Variants in CTNND2 observed in about 807,000 individuals in gnomAD.
CTNND2 encodes the protein catenin delta 2, also known as catenin delta-2.
Under a neutral mutation model 144.4 loss-of-function variants are expected in CTNND2, and 22 were observed. The observed-to-expected ratio is 0.15, with a 90% CI of 0.11 to 0.22. The LOEUF (loss-of-function observed/expected upper bound fraction) is 0.22, where lower values mean the gene tolerates loss of function less well. Ranked by LOEUF, CTNND2 falls within the 10% of genes least tolerant of loss-of-function variation. The pLI, the probability that CTNND2 is intolerant of heterozygous loss-of-function variation, is 1.00. For synonymous variants in CTNND2, 751 were observed against 695.6 expected (o/e 1.08, Z -1.25); for missense variants, 1,353 against 1,618.8 (o/e 0.84, Z 2.82).
At chr5:11,404,019 A>G (rs532075297) in intron 5 of CTNND2, among the ~76,000 whole-genome samples, 12 of 152,264 alleles carry the variant, frequency 7.9e-5, no homozygotes, top group Admixed American at 1.3e-4. Context: ...AAAATTATAG[A>G]GGACTCCAAA....
intron 9 of CTNND2, among the ~76,000 whole-genome samples, chr5:11,337,101 G>A (rs1204509085): frequency 1.3e-5 from 2 of 152,120 alleles, no homozygotes; most frequent in African/African-American, 2.4e-5. Context: ...GATACCTTTT[G>A]AAGCACAGAA....
At chr5:11,524,701 C>T (rs918884782) in intron 3 of CTNND2, among the ~76,000 whole-genome samples, 1 of 152,206 alleles carries the variant, frequency 6.6e-6, no homozygotes, top group African/African-American at 2.4e-5. Context: ...AAAGTACCTA[C>T]ACACTTTAAC....
At chr5:11,759,543 A>G (rs966953053) in intron 1 of CTNND2, among the ~76,000 whole-genome samples, 52 of 142,048 alleles carry the variant, frequency 3.7e-4, no homozygotes, top group African/African-American at 1.3e-3. Flanking sequence ...TTTATTTTAC[A>G]ATCAGGTTTC....
intron 1 of CTNND2, among the ~76,000 whole-genome samples, chr5:11,839,436 T>C (rs770544781): frequency 1.1e-4 from 17 of 151,722 alleles, no homozygotes; most frequent in Non-Finnish European, 2.4e-4. Flanking sequence ...CATGAAACAA[T>C]GACAATTTTT....
At chr5:11,278,197 G>A (rs1459368939) in intron 9 of CTNND2, among the ~76,000 whole-genome samples, 3 of 152,092 alleles carry the variant, frequency 2.0e-5, no homozygotes, top group African/African-American at 4.8e-5. Context: ...CTCTACAGTC[G>A]CCATTCTACT....
intron 6 of CTNND2, among the ~76,000 whole-genome samples, chr5:11,389,800 T>A (rs1282107639): frequency 6.6e-6 from 1 of 152,170 alleles, no homozygotes; most frequent in African/African-American, 2.4e-5. Context: ...AGCACTGACA[T>A]GAATGTCACA....
Position 11,255,747 on chromosome 5 carries a change from T to C in CTNND2, c.1629-18924A>G, listed in dbSNP as rs72730957. On this transcript the variant is annotated intron_variant, in intron 9 of 21. Transcript: ENST00000304623. ...GGGAATAAAAGTTTGGTTTCTAAGC[T>C]CCTCCCAGCATCAATCAGTCACGAG... 2.4e-3 allele frequency among the ~76,000 whole-genome samples: 368 copies of C among 152,108 alleles called. 2 individuals carry two copies. The highest frequency in any genetic ancestry group is 4.3e-3 in the Non-Finnish European group (291 of 67,988).
intron 11 of CTNND2, among the ~76,000 whole-genome samples, chr5:11,169,957 C>T (rs939166647): frequency 6.6e-6 from 1 of 152,164 alleles, no homozygotes; most frequent in Non-Finnish European, 1.5e-5. Context: ...GAAAAAAACA[C>T]AACACAAATT....
At position 11,044,541 on chromosome 5, in the gene CTNND2, A is replaced by ATACAT. The variant is rs767336244; in HGVS notation, c.2789-21563_2789-21562insATGTA. On this transcript the variant is annotated intron_variant, in intron 16 of 21. Coordinates refer to ENST00000304623, the MANE Select transcript of CTNND2 (RefSeq NM_001332.4). Reference sequence around the variant, plus strand: ...ACAACACATGCTTGCAAAAAAAAAAAATACATATATATATATATATATAAA... The same window carrying ATACAT: ...ACAACACATGCTTGCAAAAAAAAAAATACATATACATATATATATATATATATAAA... 2.2e-4 allele frequency among the ~76,000 whole-genome samples: 20 copies of ATACAT among 88,904 alleles called. No individual in the cohort carries two copies. In the East Asian group the frequency reaches 5.7e-3, roughly 25 times the overall value. 58.3% of individuals were successfully genotyped at this position (88,904 alleles called of 152,430 possible).
chr5:11,006,749 G>GC (rs937270916), intron 18 of CTNND2, among the ~76,000 whole-genome samples: 59 of 152,276 alleles, frequency 3.9e-4, no homozygotes, highest in Middle Eastern at 3.4e-3. Context: ...CATTGTGAAG[G>GC]CTGGACCATG....
intron 9 of CTNND2, among the ~76,000 whole-genome samples, chr5:11,318,679 C>A (rs920947691): frequency 6.6e-6 from 1 of 152,130 alleles, no homozygotes; most frequent in Admixed American, 6.5e-5. Flanking sequence ...TTCCCTTTGA[C>A]ACCACTAAAT....
At chr5:11,557,205 A>T (rs1776301497) in intron 3 of CTNND2, among the ~76,000 whole-genome samples, 1 of 152,170 alleles carries the variant, frequency 6.6e-6, no homozygotes, top group South Asian at 2.1e-4. Context: ...TGCATAACCA[A>T]TCACCAACAG....
chr5:11,758,667 A>G (rs1789087591), intron 1 of CTNND2, among the ~76,000 whole-genome samples: 1 of 152,096 alleles, frequency 6.6e-6, no homozygotes, highest in African/African-American at 2.4e-5. Flanking sequence ...CATATCATAT[A>G]GTAAATCTTA....
At chr5:11,451,088 AT>A (rs1172683661) in intron 3 of CTNND2, among the ~76,000 whole-genome samples, 1 of 151,744 alleles carries the variant, frequency 6.6e-6, no homozygotes, top group African/African-American at 2.4e-5. Flanking sequence ...ATAAATTTAT[AT>A]TTTATATAAA....
chr5:11,642,813 C>T (rs1782137338), intron 2 of CTNND2, among the ~76,000 whole-genome samples: 1 of 152,184 alleles, frequency 6.6e-6, no homozygotes, highest in Non-Finnish European at 1.5e-5. Flanking sequence ...CTCCTCAACC[C>T]CTGAATTCTT....
chr5:11,364,475 C>A, intron 8 of CTNND2: 2 of 416,284 alleles, frequency 4.8e-6, no homozygotes, highest in Non-Finnish European at 8.4e-6. Flanking sequence ...AGCTTACAAT[C>A]GCCATTTGCT....
At chr5:11,376,099 C>T (rs994760299) in intron 7 of CTNND2, among the ~76,000 whole-genome samples, 3 of 152,022 alleles carry the variant, frequency 2.0e-5, no homozygotes, top group African/African-American at 4.8e-5. Flanking sequence ...AAAAGTGGAC[C>T]CTCATGGGAC....
intron 17 of CTNND2, among the ~76,000 whole-genome samples, chr5:11,022,365 T>C (rs1231008150): frequency 6.6e-6 from 1 of 152,144 alleles, no homozygotes; most frequent in Non-Finnish European, 1.5e-5. Flanking sequence ...TCCCCCATCC[T>C]TCCTGCATGG....
At chr5:11,552,641 G>A (rs1383308424) in intron 3 of CTNND2, among the ~76,000 whole-genome samples, 1 of 152,130 alleles carries the variant, frequency 6.6e-6, no homozygotes, top group African/African-American at 2.4e-5. Context: ...CCTTAAATGT[G>A]TCGCTGCCAA....
Sources: gnomAD v4.1 joint callset for allele counts (sites outside exome capture counted in the v4.1 genomes callset) on GRCh38, gnomAD v4.1.1 for gene constraint, MANE v1.5 for transcripts, NCBI Gene and HGNC (gene_info 2026-07-23, HGNC 2026-07-21) for gene names.